The following AUTS2 variants were observed in gnomAD, a reference collection of about 807,000 sequenced individuals.
The protein encoded by AUTS2 is autism susceptibility gene 2 protein.
AUTS2 carries 17 observed loss-of-function variants against 112.4 expected under a neutral mutation model. That is an observed-to-expected ratio of 0.15 (90% CI 0.10 to 0.23). The LOEUF (loss-of-function observed/expected upper bound fraction) is 0.23. Ranked by LOEUF, AUTS2 falls within the 10% of genes least tolerant of loss-of-function variation. The pLI, the probability that AUTS2 is intolerant of heterozygous loss-of-function variation, is 1.00. For missense variants in AUTS2, 1,510 were observed against 1,701.6 expected (o/e 0.89, Z 1.98); for synonymous variants, 751 against 702.7 (o/e 1.07, Z -1.09).
chr7:70,339,020 G>A (rs1433848047), intron 4 of AUTS2, among the ~76,000 whole-genome samples: 6 of 151,558 alleles, frequency 4.0e-5, no homozygotes, highest in African/African-American at 1.2e-4. Flanking sequence ...CCGCCAGCAC[G>A]CCCAGCTAAT....
At chr7:70,547,930 G>C (rs1800856278) in intron 5 of AUTS2, among the ~76,000 whole-genome samples, 2 of 152,126 alleles carry the variant, frequency 1.3e-5, no homozygotes, top group African/African-American at 4.8e-5. Flanking sequence ...TAATTTAGGT[G>C]CTTCTGATCT....
intron 4 of AUTS2, chr7:70,290,401 T>G: frequency 6.5e-7 from 1 of 1,528,460 alleles, no homozygotes; most frequent in Non-Finnish European, 8.8e-7. Flanking sequence ...AGAGGAAGCA[T>G]GTCTTAAATC....
chr7:70,233,608 A>T lies in AUTS2; in HGVS notation c.660+99037A>T, dbSNP rs1316505658. Among the ~76,000 whole-genome samples the T allele has an allele frequency of 3.3e-5, 5 of 152,170 alleles. No homozygotes were observed. In the East Asian group the frequency reaches 5.8e-4, roughly 18 times the overall value. ...AACTTAATCCCTTGGCTTTTATCTG[A>T]TGTATATTTTTCCATTAACACAGTA... On this transcript the variant is annotated intron_variant, in intron 4 of 18. Coordinates refer to ENST00000342771, the MANE Select transcript of AUTS2 (RefSeq NM_015570.4).
chr7:69,963,841 C>T (rs889523153), intron 2 of AUTS2, among the ~76,000 whole-genome samples: 1 of 152,110 alleles, frequency 6.6e-6, no homozygotes, highest in Non-Finnish European at 1.5e-5. Context: ...TTACATGTAA[C>T]CACTGAGTGA....
intron 5 of AUTS2, among the ~76,000 whole-genome samples, chr7:70,469,392 A>G (rs1797290946): frequency 6.6e-6 from 1 of 152,190 alleles, no homozygotes; most frequent in Non-Finnish European, 1.5e-5. Flanking sequence ...AGATACCCAC[A>G]AATCTGGGGG....
chr7:70,233,025 T>C (rs144889544), intron 4 of AUTS2, among the ~76,000 whole-genome samples: 175 of 152,366 alleles, frequency 1.1e-3, no homozygotes, highest in African/African-American at 4.0e-3. Flanking sequence ...GTAGTATCAC[T>C]TTTTAAATGT....
chr7:69,893,048 A>G (rs1351689349), intron 1 of AUTS2, among the ~76,000 whole-genome samples: 1 of 152,226 alleles, frequency 6.6e-6, no homozygotes, highest in Admixed American at 6.5e-5. Flanking sequence ...ATAATAGTTC[A>G]CTGATTAGCC....
intron 1 of AUTS2, among the ~76,000 whole-genome samples, chr7:69,631,901 A>G (rs1249597279): frequency 1.3e-5 from 2 of 152,198 alleles, no homozygotes; most frequent in Middle Eastern, 3.2e-3. Flanking sequence ...TTGAATTTCA[A>G]TTAAGGATGT....
chr7:70,134,773 G>A lies in AUTS2; in HGVS notation c.660+202G>A, dbSNP rs187022039. Among the ~76,000 whole-genome samples, 200 of 152,222 alleles carry A rather than the reference G, an allele frequency of 1.3e-3. 1 individual carries two copies. In the East Asian group the frequency reaches 0.015, roughly 11 times the overall value. On this transcript the variant is annotated intron_variant, in intron 4 of 18. Transcript: ENST00000342771. ...GGCCCTAGGGATCTTAAGTAAGTCC[G>A]AGGTATATACCTGGTTCCTAACGCC... is the stretch of plus-strand genomic sequence containing the variant.
chr7:70,495,391 A>G (rs1035205521), intron 5 of AUTS2, among the ~76,000 whole-genome samples: 8 of 152,072 alleles, frequency 5.3e-5, no homozygotes, highest in Non-Finnish European at 1.0e-4. Context: ...AACCACTGCA[A>G]GTATTCCCCT....
intron 2 of AUTS2, among the ~76,000 whole-genome samples, chr7:70,021,107 C>T (rs1487231007): frequency 1.1e-4 from 17 of 152,102 alleles, no homozygotes; most frequent in Admixed American, 2.0e-4. Context: ...CTCAGCCTCC[C>T]GAGTAGCTGG....
At chr7:70,378,099 C>A (rs1793200855) in intron 4 of AUTS2, among the ~76,000 whole-genome samples, 2 of 152,098 alleles carry the variant, frequency 1.3e-5, no homozygotes, top group South Asian at 4.1e-4. Context: ...TAAAGTTCAT[C>A]CATGTTGGCA....
At chr7:70,026,838 C>A (rs1221194914) in intron 2 of AUTS2, among the ~76,000 whole-genome samples, 3 of 152,126 alleles carry the variant, frequency 2.0e-5, no homozygotes, top group Non-Finnish European at 2.9e-5. Flanking sequence ...AGGAGATAAA[C>A]CCCCACAGAT....
At chr7:70,686,428 G>T (rs924577695) in intron 5 of AUTS2, among the ~76,000 whole-genome samples, 1 of 152,180 alleles carries the variant, frequency 6.6e-6, no homozygotes, top group Non-Finnish European at 1.5e-5. Context: ...GCTAGGATTT[G>T]AACCCATTGG....
intron 4 of AUTS2, chr7:70,292,565 T>C (rs1192968111): frequency 1.3e-5 from 2 of 152,226 alleles, no homozygotes; most frequent in Non-Finnish European, 2.9e-5. Flanking sequence ...AACTTCTAAA[T>C]GCAGGACAAA....
intron 9 of AUTS2, 131 bp from the exon 10 acceptor site, chr7:70,767,893 T>C: frequency 1.2e-6 from 1 of 819,348 alleles, no homozygotes; most frequent in Non-Finnish European, 2.0e-6. Flanking sequence ...CTCAGAATGG[T>C]TTCATATGTA....
At chr7:70,357,077 G>A (rs1436227100) in intron 4 of AUTS2, among the ~76,000 whole-genome samples, 2 of 152,188 alleles carry the variant, frequency 1.3e-5, no homozygotes, top group African/African-American at 4.8e-5. Flanking sequence ...GAACAGAGGG[G>A]ATCCCAGGTA....
intron 4 of AUTS2, among the ~76,000 whole-genome samples, chr7:70,419,384 AG>A (rs1222443941): frequency 6.8e-6 from 1 of 147,256 alleles, no homozygotes; most frequent in Non-Finnish European, 1.5e-5. Flanking sequence ...CATGTCTTTA[AG>A]ACTCCTTCTT....
chr7:70,440,226 TAAAAAAAAAAAA>T (rs768717430), intron 5 of AUTS2, among the ~76,000 whole-genome samples: 1 of 92,834 alleles, frequency 1.1e-5, no homozygotes, highest in Non-Finnish European at 2.2e-5. Flanking sequence ...GCCCTGTCTC[TAAAAAAAAAAAA>T]AAAAAAAAAA....
Sources: gnomAD v4.1 joint callset for allele counts (sites outside exome capture counted in the v4.1 genomes callset) on GRCh38, gnomAD v4.1.1 for gene constraint, MANE v1.5 for transcripts, NCBI Gene and HGNC (gene_info 2026-07-23, HGNC 2026-07-21) for gene names.